The following UNC13C variants were observed in gnomAD, a reference collection of about 807,000 sequenced individuals.
The protein encoded by UNC13C is unc-13 homolog C.
A neutral mutation model predicts 245.4 loss-of-function variants in UNC13C; 174 were observed. The ratio of observed to expected loss-of-function variants is 0.71; its 90% confidence interval spans 0.63 to 0.80. UNC13C has a LOEUF of 0.80. Ranked by LOEUF, UNC13C falls within the 30% of genes least tolerant of loss-of-function variation. UNC13C has a pLI of 0.00. For missense variants in UNC13C, 2,829 were observed against 2,602.9 expected (o/e 1.09, Z -1.89); for synonymous variants, 992 against 895.1 (o/e 1.11, Z -1.93).
the UNC13C span, among the ~76,000 whole-genome samples, chr15:53,855,557 T>C: frequency 0.27 from 40,554 of 152,104 alleles, 6,683 homozygotes; most frequent in Non-Finnish European, 0.35. Context: ...GATTATCATA[T>C]GGTTTTTTGT....
At chr15:54,411,222 A>G (rs1301847011) in intron 18 of UNC13C, among the ~76,000 whole-genome samples, 1 of 152,072 alleles carries the variant, frequency 6.6e-6, no homozygotes, top group Non-Finnish European at 1.5e-5. Context: ...TTTTAGTGTA[A>G]TGTATATATC....
At chr15:54,523,191 A>G (rs1436668457) in intron 24 of UNC13C, among the ~76,000 whole-genome samples, 1 of 152,240 alleles carries the variant, frequency 6.6e-6, no homozygotes, top group East Asian at 1.9e-4. Flanking sequence ...AGAAGAACTC[A>G]AAAACTGGTA....
At chr15:54,482,236 A>G (rs1596459752) in intron 19 of UNC13C, among the ~76,000 whole-genome samples, 1 of 152,062 alleles carries the variant, frequency 6.6e-6, no homozygotes, top group African/African-American at 2.4e-5. Flanking sequence ...GAGCTTCAGT[A>G]ACGTAAATGC....
intron 30 of UNC13C, among the ~76,000 whole-genome samples, chr15:54,599,162 T>C (rs938269250): frequency 2.6e-5 from 4 of 152,050 alleles, no homozygotes; most frequent in Non-Finnish European, 5.9e-5. Flanking sequence ...GTCACACATA[T>C]ATAGGTAGAG....
chr15:54,033,834 A>T (rs893159714), intron 2 of UNC13C, among the ~76,000 whole-genome samples: 11 of 152,218 alleles, frequency 7.2e-5, no homozygotes, highest in Admixed American at 5.9e-4. Context: ...CTCCTTGAGC[A>T]TAGGAGATCT....
chr15:54,276,742 A>G (rs1339205886), intron 10 of UNC13C, among the ~76,000 whole-genome samples: 4 of 152,108 alleles, frequency 2.6e-5, no homozygotes, highest in African/African-American at 9.7e-5. Context: ...TATCTCAGGC[A>G]TATCTACTAC....
chr15:53,850,665 T>A, the UNC13C span, among the ~76,000 whole-genome samples: 1 of 152,144 alleles, frequency 6.6e-6, no homozygotes, highest in Non-Finnish European at 1.5e-5. Flanking sequence ...TGTGATTTTC[T>A]TTATGTTAAT....
At chr15:54,625,301 CAG>C (rs2141318813) in intron 32 of UNC13C, among the ~76,000 whole-genome samples, 1 of 150,908 alleles carries the variant, frequency 6.6e-6, no homozygotes, top group South Asian at 2.1e-4. Flanking sequence ...ATAGTCCCAA[CAG>C]ATGAGTTTTC....
At position 54,272,397 on chromosome 15, in the gene UNC13C, T is replaced by G. The variant is rs114812145; in HGVS notation, c.3818+6901T>G. ...TTTTGATAGCACAGCAGACTAATAT[T>G]TTAAAATGACAGCCTGAACATAATC... On this transcript the variant is annotated intron_variant, in intron 10 of 32. Coordinates refer to ENST00000260323, the MANE Select transcript of UNC13C (RefSeq NM_001080534.3). Among the ~76,000 whole-genome samples the G allele has an allele frequency of 2.3e-3, 347 of 152,284 alleles. 2 individuals are homozygous for G. Among genetic ancestry groups the G allele is most frequent in the African/African-American group, 8.0e-3 (334 of 41,566 alleles).
At chr15:54,098,940 T>C (rs900207850) in intron 2 of UNC13C, among the ~76,000 whole-genome samples, 1 of 152,370 alleles carries the variant, frequency 6.6e-6, no homozygotes, top group African/African-American at 2.4e-5. Context: ...TGACCACAAC[T>C]GCCTCTTTAA....
chr15:54,605,138 G>A (rs1200662696), intron 30 of UNC13C, among the ~76,000 whole-genome samples: 1 of 152,146 alleles, frequency 6.6e-6, no homozygotes, highest in East Asian at 1.9e-4. Context: ...AGGGAGAAGT[G>A]ATCAGTGGGA....
intron 22 of UNC13C, among the ~76,000 whole-genome samples, chr15:54,503,667 G>C (rs946691418): frequency 2.6e-5 from 4 of 151,790 alleles, no homozygotes. Flanking sequence ...CTCATTATCA[G>C]CATTTCTATC....
rs890583892 is a variant in UNC13C, at chr15:54,476,170, G to C, written c.4934-18438G>C. Reference sequence around the variant, plus strand: ...TGATGGGGTTGTTTGTTTTTTTCTTGTAAATGTGTTTGAGTTCATTGTAGA... The same window carrying C: ...TGATGGGGTTGTTTGTTTTTTTCTTCTAAATGTGTTTGAGTTCATTGTAGA... On this transcript the variant is annotated intron_variant, in intron 19 of 32. Transcript: ENST00000260323. 4.9e-3 allele frequency among the ~76,000 whole-genome samples: 576 copies of C among 118,592 alleles called. 39 individuals are homozygous for C. Among genetic ancestry groups the C allele is most frequent in the African/African-American group, 0.017 (532 of 31,654 alleles). 77.8% of individuals were successfully genotyped at this position (118,592 alleles called of 152,430 possible).
chr15:53,928,285 G>T, the UNC13C span, among the ~76,000 whole-genome samples: 1 of 152,234 alleles, frequency 6.6e-6, no homozygotes, highest in Non-Finnish European at 1.5e-5. Context: ...TATGGGAAAT[G>T]AAGGGATGGG....
intron 4 of UNC13C, among the ~76,000 whole-genome samples, chr15:54,168,049 C>G (rs1464200901): frequency 6.6e-6 from 1 of 151,938 alleles, no homozygotes; most frequent in Non-Finnish European, 1.5e-5. Flanking sequence ...GATGGTTATA[C>G]GAATAGATAC....
chr15:54,217,187 A>T (rs1332225859), intron 4 of UNC13C, among the ~76,000 whole-genome samples: 4 of 151,870 alleles, frequency 2.6e-5, no homozygotes, highest in African/African-American at 9.7e-5. Context: ...TGTTTTTCAG[A>T]TATTAGGGTT....
At chr15:54,047,806 C>T (rs1897104227) in intron 2 of UNC13C, among the ~76,000 whole-genome samples, 1 of 151,974 alleles carries the variant, frequency 6.6e-6, no homozygotes, top group Non-Finnish European at 1.5e-5. Context: ...ATTTAGAGGT[C>T]AAATAGAAAT....
the UNC13C span, chr15:53,967,922 A>G: frequency 6.7e-6 from 1 of 150,118 alleles, no homozygotes; most frequent in African/African-American, 2.4e-5. Flanking sequence ...AGGTGGCTTC[A>G]TTTTTTTTTC....
chr15:54,607,102 T>G (rs779382376), intron 30 of UNC13C, among the ~76,000 whole-genome samples: 2 of 152,194 alleles, frequency 1.3e-5, no homozygotes, highest in Admixed American at 6.5e-5. Context: ...TTTAAAAAAT[T>G]ATGTAATAAA....
Sources: allele counts gnomAD v4.1 joint callset (sites outside exome capture counted in the v4.1 genomes callset), GRCh38; gene constraint gnomAD v4.1.1; transcripts MANE v1.5; gene names NCBI Gene and HGNC (gene_info 2026-07-23, HGNC 2026-07-21).